The following ZNF804B variants were observed in gnomAD, a reference collection of about 807,000 sequenced individuals.
ZNF804B encodes the protein zinc finger protein 804B, also known as zinc finger 804B.
ZNF804B carries 80 observed loss-of-function variants against 101.4 expected under a neutral mutation model. The observed-to-expected ratio is 0.79, with a 90% CI of 0.66 to 0.95. The LOEUF is 0.95. ZNF804B is among the 40% of genes least tolerant of loss of function. The pLI, the probability that ZNF804B is intolerant of heterozygous loss-of-function variation, is 0.00. For missense variants in ZNF804B, 1,673 were observed against 1,561.9 expected, an observed-to-expected ratio of 1.07 and a Z score of -1.20; for synonymous variants, 622 against 558.8, an observed-to-expected ratio of 1.11 and a Z score of -1.59.
At chr7:88,977,881 C>G (rs77570073) in intron 1 of ZNF804B, among the ~76,000 whole-genome samples, 3,438 of 151,368 alleles carry the variant, frequency 0.023, 134 homozygotes, top group African/African-American at 0.078. Flanking sequence ...TGCAAACTTT[C>G]CTCCTAATGC....
chr7:89,266,468 A>G (rs1789798286), intron 2 of ZNF804B, among the ~76,000 whole-genome samples: 1 of 152,160 alleles, frequency 6.6e-6, no homozygotes, highest in Non-Finnish European at 1.5e-5. Flanking sequence ...TCACCTATCA[A>G]TGATTGTTTC....
chr7:89,232,857 A>G (rs1789217053), intron 2 of ZNF804B, among the ~76,000 whole-genome samples: 1 of 151,850 alleles, frequency 6.6e-6, no homozygotes, highest in African/African-American at 2.4e-5. Flanking sequence ...CTTGCCATTG[A>G]TTTCTGATTT....
At chr7:89,016,910 C>A (rs529440977) in intron 1 of ZNF804B, among the ~76,000 whole-genome samples, 9 of 152,300 alleles carry the variant, frequency 5.9e-5, no homozygotes, top group African/African-American at 2.2e-4. Flanking sequence ...GGCATTGAAT[C>A]TATAAATTAC....
chr7:88,819,432 G>C (rs1384106027), intron 1 of ZNF804B, among the ~76,000 whole-genome samples: 2 of 151,998 alleles, frequency 1.3e-5, no homozygotes, highest in Admixed American at 6.6e-5. Context: ...TGCCTGGCCA[G>C]TATGTCCACA....
At chr7:89,322,692 G>A (rs1444410231) in intron 2 of ZNF804B, among the ~76,000 whole-genome samples, 3 of 151,994 alleles carry the variant, frequency 2.0e-5, no homozygotes, top group Middle Eastern at 3.2e-3. Context: ...AAACAATCTT[G>A]AAAGAAACAC....
intron 1 of ZNF804B, among the ~76,000 whole-genome samples, chr7:89,080,746 A>G (rs750096173): frequency 1.3e-5 from 2 of 151,968 alleles, no homozygotes. Flanking sequence ...AGGAGGTGAC[A>G]TCGACCATGA....
chr7:88,843,859 A>C (rs1562809274), intron 1 of ZNF804B, among the ~76,000 whole-genome samples: 1 of 152,206 alleles, frequency 6.6e-6, no homozygotes, highest in East Asian at 1.9e-4. Flanking sequence ...CATTTTATGC[A>C]AAAAGATCCC....
chr7:88,794,182 T>C, intron 1 of ZNF804B: 1 of 1,601,704 alleles, frequency 6.2e-7, no homozygotes. Context: ...CTCTCAATCC[T>C]AGAAACGTGA....
intron 2 of ZNF804B, among the ~76,000 whole-genome samples, chr7:89,301,101 T>TG (rs1790465306): frequency 1.2e-5 from 1 of 82,928 alleles, no homozygotes; most frequent in Non-Finnish European, 2.7e-5. Flanking sequence ...TCAAGCGTGT[T>TG]TTTTTTTTTT....
chr7:88,997,188 G>C (rs1788212233), intron 1 of ZNF804B, among the ~76,000 whole-genome samples: 1 of 152,056 alleles, frequency 6.6e-6, no homozygotes. Flanking sequence ...GAGACACCTT[G>C]AGAATTATCT....
intron 1 of ZNF804B, among the ~76,000 whole-genome samples, chr7:88,802,475 T>TAACTAA (rs1312767011): frequency 6.6e-6 from 1 of 152,038 alleles, no homozygotes; most frequent in Non-Finnish European, 1.5e-5. Context: ...TTACTAATTG[T>TAACTAA]AGTAAAGTTT....
chr7:89,114,239 T>G (rs1481385144), intron 1 of ZNF804B, among the ~76,000 whole-genome samples: 9 of 152,210 alleles, frequency 5.9e-5, no homozygotes, highest in Non-Finnish European at 1.5e-5. Flanking sequence ...TCAACCTGAA[T>G]AAATGTTCAA....
chr7:89,198,856 T>A (rs1562913159), intron 1 of ZNF804B, among the ~76,000 whole-genome samples: 2 of 152,046 alleles, frequency 1.3e-5, no homozygotes, highest in East Asian at 3.9e-4. Context: ...TAGCTCACCA[T>A]CTGTAGCAGA....
At chr7:88,762,202 A>G (rs1586892010) in intron 1 of ZNF804B, among the ~76,000 whole-genome samples, 1 of 152,242 alleles carries the variant, frequency 6.6e-6, no homozygotes, top group East Asian at 1.9e-4. Context: ...TAAATGATAT[A>G]TGTACTTTCT....
chr7:88,872,505 C>T (rs975688075), intron 1 of ZNF804B, among the ~76,000 whole-genome samples: 6 of 151,638 alleles, frequency 4.0e-5, no homozygotes, highest in East Asian at 1.9e-4. Flanking sequence ...TTTTAGGGTA[C>T]GTGTGCACAA....
intron 2 of ZNF804B, among the ~76,000 whole-genome samples, chr7:89,273,339 A>G (rs1292531133): frequency 1.1e-5 from 1 of 87,146 alleles, no homozygotes; most frequent in African/African-American, 3.8e-5. Context: ...CTTTCAAAAA[A>G]ATGGTTTCAT....
intron 1 of ZNF804B, among the ~76,000 whole-genome samples, chr7:89,012,793 A>G (rs1405395339): frequency 1.3e-5 from 2 of 152,086 alleles, no homozygotes; most frequent in African/African-American, 4.8e-5. Flanking sequence ...ATTTTTGGGT[A>G]TTTTTACAGC....
intron 1 of ZNF804B, among the ~76,000 whole-genome samples, chr7:89,033,823 G>T (rs1211492399): frequency 6.6e-6 from 1 of 151,834 alleles, no homozygotes; most frequent in Non-Finnish European, 1.5e-5. Context: ...TTAATAAATA[G>T]GTGAAAGGTC....
chr7:89,156,673 C>G (rs554224703), intron 1 of ZNF804B, among the ~76,000 whole-genome samples: 28 of 151,930 alleles, frequency 1.8e-4, no homozygotes, highest in Non-Finnish European at 3.1e-4. Flanking sequence ...ATCTCTGGAG[C>G]AATTTTTGTT....
Sources: gnomAD v4.1 joint callset for allele counts (sites outside exome capture counted in the v4.1 genomes callset) on GRCh38, gnomAD v4.1.1 for gene constraint, MANE v1.5 for transcripts, NCBI Gene and HGNC (gene_info 2026-07-23, HGNC 2026-07-21) for gene names.